ARAP2: variants seen among roughly 807,000 people sequenced by gnomAD.
ARAP2 encodes arf-GAP with Rho-GAP domain, ANK repeat and PH domain-containing protein 2.
Under a neutral mutation model 194.5 loss-of-function variants are expected in ARAP2, and 148 were observed. The observed-to-expected ratio is 0.76, with a 90% CI of 0.67 to 0.87. ARAP2 has a LOEUF of 0.87. ARAP2 is among the 40% of genes least tolerant of loss of function. The pLI is 0.00. For missense variants in ARAP2, 2,128 were observed against 1,989.7 expected (o/e 1.07, Z -1.32); for synonymous variants, 695 against 683.5 (o/e 1.02, Z -0.26).
At chr4:36,133,843 C>T (rs1203807917) in intron 19 of ARAP2, among the ~76,000 whole-genome samples, 2 of 151,780 alleles carry the variant, frequency 1.3e-5, no homozygotes, top group African/African-American at 2.4e-5. Flanking sequence ...CTCACTTCCT[C>T]TTTCTGAATG....
At chr4:36,229,865 A>G (rs1449917669) in intron 1 of ARAP2, among the ~76,000 whole-genome samples, 1 of 152,210 alleles carries the variant, frequency 6.6e-6, no homozygotes, top group Non-Finnish European at 1.5e-5. Context: ...ACTTTCAAAA[A>G]GGTGAAAAAA....
intron 1 of ARAP2, chr4:36,243,509 T>C (rs1295067268): frequency 1.3e-5 from 2 of 151,700 alleles, no homozygotes; most frequent in African/African-American, 4.9e-5. Context: ...AAAGGCTATA[T>C]AATCCACGAA....
chr4:36,025,551 G>C (rs1717753702), intron 5 of ARAP2, among the ~76,000 whole-genome samples: 1 of 152,052 alleles, frequency 6.6e-6, no homozygotes, highest in Admixed American at 6.6e-5. Context: ...TTTTCTTTCA[G>C]AAGAGCTGAA....
At chr4:36,229,719 A>G in intron 1 of ARAP2, 74 bp from the exon 2 acceptor site, 3 of 342,754 alleles carry the variant, frequency 8.8e-6, no homozygotes, top group Non-Finnish European at 1.1e-5. Context: ...TTTCTCTGAA[A>G]AAAACAGCAG....
chr4:36,099,246 T>G (rs1364893108), intron 27 of ARAP2, among the ~76,000 whole-genome samples: 1 of 152,174 alleles, frequency 6.6e-6, no homozygotes, highest in African/African-American at 2.4e-5. Flanking sequence ...TTCCTTTTTA[T>G]AGCTGCATAG....
At chr4:36,207,560 G>C (rs902461828) in intron 6 of ARAP2, among the ~76,000 whole-genome samples, 6 of 152,152 alleles carry the variant, frequency 3.9e-5, no homozygotes, top group African/African-American at 1.4e-4. Flanking sequence ...CATTGATTCA[G>C]AATTGGCATT....
intron 7 of ARAP2, among the ~76,000 whole-genome samples, chr4:36,191,805 G>A (rs1039962502): frequency 6.6e-6 from 1 of 152,040 alleles, no homozygotes; most frequent in African/African-American, 2.4e-5. Flanking sequence ...GCCCACAGCT[G>A]GGTGAAAATG....
intron 13 of ARAP2, among the ~76,000 whole-genome samples, chr4:36,159,957 G>GAGAAC (rs1273134749): frequency 3.9e-5 from 6 of 152,220 alleles, no homozygotes; most frequent in Admixed American, 1.3e-4. Flanking sequence ...ATTGAAAGAT[G>GAGAAC]AGTGCAAAGC....
intron 1 of ARAP2, among the ~76,000 whole-genome samples, chr4:36,060,665 T>G (rs1362378430): frequency 1.3e-5 from 2 of 152,190 alleles, no homozygotes; most frequent in African/African-American, 4.8e-5. Flanking sequence ...ATTTATTTTC[T>G]CATAGTTTTA....
chr4:36,095,065 T>C (rs2109402022), intron 27 of ARAP2, among the ~76,000 whole-genome samples: 1 of 152,318 alleles, frequency 6.6e-6, no homozygotes, highest in East Asian at 1.9e-4. Context: ...TAATTTGTAT[T>C]GACAGGGGCA....
intron 8 of ARAP2, among the ~76,000 whole-genome samples, chr4:36,179,135 C>T (rs1464622856): frequency 1.3e-5 from 2 of 152,116 alleles, no homozygotes; most frequent in African/African-American, 4.8e-5. Context: ...ACCATTTCAC[C>T]ATTTTTAGCA....
chr4:36,142,269 G>T (rs1217032002), intron 19 of ARAP2, among the ~76,000 whole-genome samples: 2 of 151,532 alleles, frequency 1.3e-5, no homozygotes, highest in Non-Finnish European at 3.0e-5. Flanking sequence ...GAGGGATCTT[G>T]CTCTCTTGTT....
intron 10 of ARAP2, among the ~76,000 whole-genome samples, chr4:36,166,427 TA>T (rs1157700603): frequency 8.6e-5 from 13 of 151,946 alleles, no homozygotes; most frequent in Non-Finnish European, 1.5e-4. Context: ...ATGAGATATA[TA>T]AAAAAATGCT....
intron 7 of ARAP2, among the ~76,000 whole-genome samples, chr4:36,188,668 T>A (rs747604388): frequency 2.6e-5 from 4 of 152,214 alleles, no homozygotes; most frequent in African/African-American, 7.2e-5. Context: ...AGAGTTTGGA[T>A]ACATCCTTAA....
chr4:36,222,487 G>GA (rs1206145786), intron 2 of ARAP2, among the ~76,000 whole-genome samples: 8 of 151,586 alleles, frequency 5.3e-5, no homozygotes, highest in African/African-American at 1.2e-4. Flanking sequence ...TATTAATGTG[G>GA]AAAAATCACA....
chr4:36,104,610 A>T (rs1717884977), intron 27 of ARAP2, among the ~76,000 whole-genome samples: 1 of 152,012 alleles, frequency 6.6e-6, no homozygotes, highest in Admixed American at 6.6e-5. Flanking sequence ...AAAAATCACG[A>T]CTTAAGAAAT....
intron 5 of ARAP2, among the ~76,000 whole-genome samples, chr4:36,035,781 T>C (rs1719802886): frequency 6.6e-6 from 1 of 152,214 alleles, no homozygotes; most frequent in African/African-American, 2.4e-5. Context: ...TTACATTTTA[T>C]ATTTAGATTT....
intron 9 of ARAP2, among the ~76,000 whole-genome samples, chr4:36,172,233 G>T (rs868299805): frequency 7.9e-5 from 12 of 152,306 alleles, no homozygotes; most frequent in South Asian, 2.1e-4. Context: ...GACCATGTAG[G>T]CACTGCAGGT....
chr4:36,071,702 C>CTTT (rs1350204729), intron 32 of ARAP2, among the ~76,000 whole-genome samples: 18 of 109,030 alleles, frequency 1.7e-4, no homozygotes, highest in African/African-American at 5.5e-4. Context: ...AATTTTTTTT[C>CTTT]TTTTTTTTTT....
Sources: allele counts gnomAD v4.1 joint callset (sites outside exome capture counted in the v4.1 genomes callset), GRCh38; gene constraint gnomAD v4.1.1; transcripts MANE v1.5; gene names NCBI Gene and HGNC (gene_info 2026-07-23, HGNC 2026-07-21).